The following THADA variants were observed in gnomAD, a reference collection of about 807,000 sequenced individuals.
THADA encodes the protein tRNA (32-2'-O)-methyltransferase regulator THADA.
THADA carries 213 observed loss-of-function variants against 219.8 expected under a neutral mutation model. The ratio of observed to expected loss-of-function variants is 0.97; its 90% CI spans 0.87 to 1.09. The LOEUF is 1.09. Among genes scored for constraint, THADA ranks in the 50% least tolerant of loss-of-function variants. THADA has a pLI of 0.00. For missense variants in THADA, 2,956 were observed against 2,311.3 expected, an observed-to-expected ratio of 1.28 and a Z score of -5.72; for synonymous variants, 1,018 against 828.9, an observed-to-expected ratio of 1.23 and a Z score of -3.92.
chr2:43,378,210 T>C (rs1671604221), intron 29 of THADA, among the ~76,000 whole-genome samples: 1 of 152,152 alleles, frequency 6.6e-6, no homozygotes, highest in South Asian at 2.1e-4. Context: ...GAAAATTCCA[T>C]GACAGAATGA....
At chr2:43,286,720 C>T (rs866951662) in intron 35 of THADA, among the ~76,000 whole-genome samples, 188 bp downstream of exon 35, 6 of 151,380 alleles carry the variant, frequency 4.0e-5, no homozygotes, top group South Asian at 4.2e-4. Context: ...AGTGAAACTC[C>T]GTCTCAAAAA....
chr2:43,446,262 T>A (rs760946179), intron 26 of THADA, among the ~76,000 whole-genome samples: 7 of 152,222 alleles, frequency 4.6e-5, no homozygotes, highest in Non-Finnish European at 1.0e-4. Context: ...TCAACAAACT[T>A]CTATCGTTCC....
At chr2:43,468,420 C>G (rs916837720) in intron 26 of THADA, among the ~76,000 whole-genome samples, 1 of 152,142 alleles carries the variant, frequency 6.6e-6, no homozygotes, top group African/African-American at 2.4e-5. Flanking sequence ...TACTGAATAA[C>G]TAACTCCATT....
At chr2:43,243,633 G>A (rs1215106540) in intron 36 of THADA, among the ~76,000 whole-genome samples, 1 of 152,084 alleles carries the variant, frequency 6.6e-6, no homozygotes, top group Non-Finnish European at 1.5e-5. Context: ...CAGAGAGGTG[G>A]CCACAAATGA....
intron 20 of THADA, among the ~76,000 whole-genome samples, chr2:43,541,992 A>G (rs1470597538): frequency 3.9e-5 from 6 of 152,212 alleles, no homozygotes. Context: ...GGAGTAGAAT[A>G]TAACTTTTAA....
At chr2:43,320,422 A>G in intron 31 of THADA, 24 bp downstream of exon 31, 1 of 1,581,090 alleles carries the variant, frequency 6.3e-7, no homozygotes, top group Non-Finnish European at 8.6e-7. Context: ...CGATTCCAAA[A>G]TACAGTATAA....
At chr2:43,351,128 G>GGTTAAGTGTAAAATAA (rs1208655348) in intron 29 of THADA, among the ~76,000 whole-genome samples, 1 of 152,102 alleles carries the variant, frequency 6.6e-6, no homozygotes, top group Non-Finnish European at 1.5e-5. Context: ...TTAACTGCCT[G>GGTTAAGTGTAAAATAA]GTCTCTGCCT....
intron 22 of THADA, among the ~76,000 whole-genome samples, chr2:43,513,641 A>T (rs2103616078): frequency 6.6e-6 from 1 of 152,268 alleles, no homozygotes; most frequent in South Asian, 2.1e-4. Context: ...GACACCCAAA[A>T]TACCACTACC....
At chr2:43,320,968 T>G (rs2104463700) in intron 30 of THADA, among the ~76,000 whole-genome samples, 2 of 152,310 alleles carry the variant, frequency 1.3e-5, no homozygotes, top group South Asian at 4.1e-4. Context: ...GAAGGAAAAT[T>G]ACACTCACAT....
chr2:43,295,827 T>A (rs967256787), intron 31 of THADA, among the ~76,000 whole-genome samples: 1 of 151,924 alleles, frequency 6.6e-6, no homozygotes, highest in African/African-American at 2.4e-5. Flanking sequence ...TCAAAGTCTG[T>A]CACAGGGGGC....
At chr2:43,595,180 T>C (rs548736657) in intron 1 of THADA, among the ~76,000 whole-genome samples, 4 of 152,342 alleles carry the variant, frequency 2.6e-5, no homozygotes, top group East Asian at 1.9e-4. Flanking sequence ...AGGTGGACTA[T>C]CTGGTACCTA....
At chr2:43,410,093 A>G (rs955298768) in intron 28 of THADA, among the ~76,000 whole-genome samples, 1 of 152,190 alleles carries the variant, frequency 6.6e-6, no homozygotes, top group Non-Finnish European at 1.5e-5. Context: ...CAAAGCTTCA[A>G]ACAGACACTT....
chr2:43,310,498 G>C (rs1023242933), intron 31 of THADA, among the ~76,000 whole-genome samples: 1 of 152,122 alleles, frequency 6.6e-6, no homozygotes, highest in African/African-American at 2.4e-5. Flanking sequence ...GGAAAGGATA[G>C]TCTTTTTGAA....
At chr2:43,324,053 C>G (rs17030687) in intron 30 of THADA, among the ~76,000 whole-genome samples, 1 of 152,106 alleles carries the variant, frequency 6.6e-6, no homozygotes, top group African/African-American at 2.4e-5. Context: ...TGTGGCCTCA[C>G]AGAGTCATAG....
chr2:43,236,562 G>T (rs933209963), intron 36 of THADA, among the ~76,000 whole-genome samples: 26 of 152,184 alleles, frequency 1.7e-4, no homozygotes, highest in African/African-American at 5.5e-4. Flanking sequence ...TGTGTTTTAA[G>T]AATCTGCTGA....
At chr2:43,543,948 T>C (rs1299173604) in intron 20 of THADA, among the ~76,000 whole-genome samples, 4 of 152,248 alleles carry the variant, frequency 2.6e-5, no homozygotes, top group South Asian at 4.1e-4. Flanking sequence ...TCCTTGCCCA[T>C]GCCTATGTCC....
intron 26 of THADA, among the ~76,000 whole-genome samples, chr2:43,466,521 T>A (rs901887929): frequency 6.6e-6 from 1 of 152,158 alleles, no homozygotes; most frequent in Admixed American, 6.5e-5. Flanking sequence ...TTGGGGTATG[T>A]CTACTCTACT....
chr2:43,429,111 T>G (rs931185705), intron 27 of THADA, among the ~76,000 whole-genome samples: 18 of 152,104 alleles, frequency 1.2e-4, no homozygotes, highest in Admixed American at 5.2e-4. Context: ...GTGTGTGTTT[T>G]TTTTTTCTTT....
chr2:43,588,292 C>CA (rs59607755), intron 4 of THADA, among the ~76,000 whole-genome samples: 5,051 of 98,612 alleles, frequency 0.051, 265 homozygotes, highest in African/African-American at 0.16. Context: ...AAAAGTTGAG[C>CA]AAAAAAAAAA....
Sources: allele counts gnomAD v4.1 joint callset (sites outside exome capture counted in the v4.1 genomes callset), GRCh38; gene constraint gnomAD v4.1.1; transcripts MANE v1.5; gene names NCBI Gene and HGNC (gene_info 2026-07-23, HGNC 2026-07-21).